Variants in EGFR observed in about 807,000 individuals in gnomAD.
The protein encoded by EGFR is epidermal growth factor receptor.
A neutral mutation model predicts 143.0 loss-of-function variants in EGFR; 58 were observed. That is an observed-to-expected ratio of 0.41 (90% CI 0.33 to 0.50). The LOEUF (loss-of-function observed/expected upper bound fraction) is 0.50, where lower values mean the gene tolerates loss of function less well. EGFR is among the 20% of genes least tolerant of loss of function. The pLI is 0.39. For synonymous variants in EGFR, 613 were observed against 594.4 expected (o/e 1.03, Z -0.45); for missense variants, 1,307 against 1,579.0 (o/e 0.83, Z 2.92).
Position 55,157,647 on chromosome 7 carries a change from T to G in EGFR, c.1208-16T>G, listed in dbSNP as rs758567448. ...CCTACGTGGTGTGTGTCTGAAGTCT[T>G]TCATCTGCCTTACAGGGTTTTTGCT... On this transcript the variant is annotated splice_polypyrimidine_tract_variant and intron_variant, in intron 10 of 27. Coordinates refer to ENST00000275493, the MANE Select transcript of EGFR (RefSeq NM_005228.5). The G allele has an allele frequency of 1.2e-6, 2 of 1,613,386 alleles. No individual in the cohort carries two copies. The highest frequency in any genetic ancestry group is 1.7e-6 in the Non-Finnish European group (2 of 1,179,414).
chr7:55,143,529 A>G (rs2128927688), intron 3 of EGFR, 41 bp downstream of exon 3: 9 of 1,609,996 alleles, frequency 5.6e-6, no homozygotes, highest in Non-Finnish European at 7.6e-6. Flanking sequence ...TCATAAATGC[A>G]GACAGCAGTT....
chr7:55,059,048 T>C (rs1384831393), intron 1 of EGFR, among the ~76,000 whole-genome samples: 3 of 152,218 alleles, frequency 2.0e-5, no homozygotes, highest in Non-Finnish European at 4.4e-5. Flanking sequence ...TTCACACTTG[T>C]GGGTGAATGT....
At position 55,207,668 on chromosome 7, in the gene EGFR, GCCTCC is replaced by G. The variant is rs924284879; in HGVS notation, c.*2052_*2056del. ...CTGACCGAGGAAACAGCTGCCAGAG[GCCTCC>G]ACTGCTAAAGTCCACATAAGGCTGA... On this transcript the variant is annotated 3_prime_UTR_variant, in exon 28 of 28. Coordinates refer to ENST00000275493, the MANE Select transcript of EGFR (RefSeq NM_005228.5). The G allele has an allele frequency of 1.3e-5, 2 of 154,258 alleles. No homozygotes were observed. The highest frequency in any genetic ancestry group is 2.9e-5 in the Non-Finnish European group (2 of 69,226). 9.6% of individuals were successfully genotyped at this position (154,258 alleles called of 1,614,324 possible). A position where few individuals can be genotyped will look rare whatever the true frequency, so the allele number is the denominator to read the frequency against.
intron 4 of EGFR, among the ~76,000 whole-genome samples, chr7:55,150,703 C>T (rs1400423138): frequency 3.9e-5 from 6 of 152,156 alleles, no homozygotes; most frequent in Admixed American, 1.3e-4. Context: ...AATTTGTAAT[C>T]GGCCAATTAT....
chr7:55,190,275 C>T (rs773198979), intron 20 of EGFR, among the ~76,000 whole-genome samples: 32 of 152,122 alleles, frequency 2.1e-4, no homozygotes, highest in African/African-American at 5.8e-4. Flanking sequence ...GGAGCGCTCT[C>T]GGCAGTGCAG....
At chr7:55,119,522 TCTC>T (rs1415569019) in intron 1 of EGFR, 1 of 152,218 alleles carries the variant, frequency 6.6e-6, no homozygotes, top group East Asian at 1.9e-4. Context: ...CTGTGTATCT[TCTC>T]CTGTTTAAAG....
chr7:55,089,711 T>C lies in EGFR; in HGVS notation c.89-52575T>C, dbSNP rs183276012. The stretch of plus-strand genomic sequence containing the variant: ...AGTTGTCTCAAAAATGTGTTTTCCA[T>C]TGTGGTTTGTCTGAAACATGATCCA... On this transcript the variant is annotated intron_variant, in intron 1 of 27. Transcript: ENST00000275493. 3.0e-3 allele frequency among the ~76,000 whole-genome samples: 453 copies of C among 152,332 alleles called. 2 individuals are homozygous for C. Among genetic ancestry groups the C allele is most frequent in the Non-Finnish European group, 5.7e-3 (389 of 68,028 alleles).
intron 1 of EGFR, among the ~76,000 whole-genome samples, chr7:55,031,379 C>A (rs1224574717): frequency 6.6e-6 from 1 of 152,196 alleles, no homozygotes; most frequent in Non-Finnish European, 1.5e-5. Flanking sequence ...ATCTACCTGG[C>A]CAAGGCAGAA....
intron 1 of EGFR, among the ~76,000 whole-genome samples, chr7:55,057,228 G>T (rs1788881939): frequency 6.6e-6 from 1 of 152,192 alleles, no homozygotes; most frequent in Non-Finnish European, 1.5e-5. Context: ...TCCTAAAATG[G>T]AATTTGCTCT....
intron 26 of EGFR, 106 bp from the exon 27 acceptor site, chr7:55,202,411 C>A (rs1787888584): frequency 1.0e-6 from 1 of 979,860 alleles, no homozygotes; most frequent in Non-Finnish European, 1.6e-6. Flanking sequence ...GCCTGCCCAA[C>A]CTACTAATCA....
chr7:55,118,946 T>C (rs1045051242), intron 1 of EGFR: 1 of 152,200 alleles, frequency 6.6e-6, no homozygotes, highest in African/African-American at 2.4e-5. Flanking sequence ...TTTAAAAACA[T>C]TTTTATTAAC....
chr7:55,079,131 G>A (rs573751714), intron 1 of EGFR, among the ~76,000 whole-genome samples: 1 of 152,320 alleles, frequency 6.6e-6, no homozygotes, highest in South Asian at 2.1e-4. Flanking sequence ...GCAGGCATGG[G>A]CTGAGGCTGG....
chr7:55,154,049 C>T lies in EGFR; in HGVS notation c.786C>T (p.Asp262=), dbSNP rs754997451. Residue 262 remains aspartate, a synonymous_variant, in exon 7 of 28, where the codon GAC becomes GAT. Coordinates refer to ENST00000275493, the MANE Select transcript of EGFR (RefSeq NM_005228.5). ...TCCGAGACGAAGCCACGTGCAAGGA[C>T]ACCTGCCCCCCACTCATGCTCTACA... ...RKFRDEATCK[D]TCPPLMLYNP... is the part of the protein sequence containing the mutation. The T allele has an allele frequency of 1.9e-6, 3 of 1,614,206 alleles. No homozygotes were observed. Among genetic ancestry groups the T allele is most frequent in the African/African-American group, 1.3e-5 (1 of 75,048 alleles).
intron 27 of EGFR, among the ~76,000 whole-genome samples, chr7:55,204,984 TACACATACACAC>T (rs1156730288): frequency 2.0e-5 from 3 of 151,506 alleles, no homozygotes; most frequent in East Asian, 3.9e-4. Flanking sequence ...TATACATGCA[TACACATACACAC>T]ACACATACAC....
At chr7:55,088,820 G>C (rs1235401636) in intron 1 of EGFR, among the ~76,000 whole-genome samples, 1 of 152,152 alleles carries the variant, frequency 6.6e-6, no homozygotes, top group East Asian at 1.9e-4. Flanking sequence ...TCAAGTTCTG[G>C]AGACTGGCCA....
At chr7:55,044,479 G>T (rs1005180960) in intron 1 of EGFR, among the ~76,000 whole-genome samples, 2 of 152,182 alleles carry the variant, frequency 1.3e-5, no homozygotes, top group South Asian at 4.1e-4. Context: ...AGGTCACTAC[G>T]GGCCTGGAGC....
rs1786526259 is a variant in EGFR at position 55,174,804 on chromosome 7, A to G, written c.2267A>G (p.Asn756Ser). ...ELREATSPKA[N>S]KEILDEAYVM... ...AGAGAAGCAACATCTCCGAAAGCCA[A>G]CAAGGAAATCCTCGATGTGAGTTTC... Residue 756 changes from asparagine (N) to serine (S), a missense_variant, in exon 19 of 28, where the codon AAC (asparagine) becomes AGC (serine). Asn to Ser is a conservative substitution (Grantham distance 46). Around this residue, in one of 7 missense-constraint regions of EGFR, gnomAD observed 348 missense variants for 451.5 expected, o/e 0.77. Coordinates refer to ENST00000275493, the MANE Select transcript of EGFR (RefSeq NM_005228.5). The G allele has an allele frequency of 5.0e-6, 8 of 1,614,072 alleles. No homozygotes were observed. Among genetic ancestry groups the G allele is most frequent in the Non-Finnish European group, 6.8e-6 (8 of 1,179,910 alleles).
chr7:55,079,623 C>G (rs970353215), intron 1 of EGFR, among the ~76,000 whole-genome samples: 1 of 152,060 alleles, frequency 6.6e-6, no homozygotes. Flanking sequence ...CAAAATACTG[C>G]ACGGTTTATC....
At chr7:55,141,250 A>G (rs923890541) in intron 1 of EGFR, among the ~76,000 whole-genome samples, 1 of 152,236 alleles carries the variant, frequency 6.6e-6, no homozygotes, top group Non-Finnish European at 1.5e-5. Context: ...AAAAGGCCCA[A>G]GACTCTCTTT....
Sources: gnomAD v4.1 joint callset for allele counts (sites outside exome capture counted in the v4.1 genomes callset) on GRCh38, gnomAD v4.1.1 for gene constraint, gnomAD v4.1.1 regional missense constraint, MANE v1.5 for transcripts, NCBI Gene and HGNC (gene_info 2026-07-23, HGNC 2026-07-21) for gene names.